Variants in PPM1H observed in about 807,000 individuals in gnomAD.
PPM1H encodes protein phosphatase 1H.
In PPM1H, 27 loss-of-function variants were observed where a neutral mutation model predicts 54.9. The observed-to-expected ratio is 0.49, with a 90% CI of 0.36 to 0.68. The LOEUF is 0.68. Among genes scored for constraint, PPM1H ranks in the 30% least tolerant of loss-of-function variants. The pLI, the probability that PPM1H is intolerant of heterozygous loss-of-function variation, is 0.00. For synonymous variants in PPM1H, 305 were observed against 270.8 expected (o/e 1.13, Z -1.24); for missense variants, 596 against 667.8 (o/e 0.89, Z 1.19).
intron 6 of PPM1H, among the ~76,000 whole-genome samples, chr12:62,702,418 C>T (rs1334662845): frequency 1.3e-5 from 2 of 152,106 alleles, no homozygotes. Context: ...TCCTCCATTT[C>T]CAGGAAGAGC....
At chr12:62,658,182 A>ATTTTTTTTTTTTTTT (rs1173229360) in intron 9 of PPM1H, among the ~76,000 whole-genome samples, 3 of 87,556 alleles carry the variant, frequency 3.4e-5, no homozygotes, top group African/African-American at 1.3e-4. Flanking sequence ...AACACGGTGA[A>ATTTTTTTTTTTTTTT]TTTTTTTTTT....
chr12:62,901,997 T>C (rs1401941174), intron 1 of PPM1H, among the ~76,000 whole-genome samples: 3 of 152,210 alleles, frequency 2.0e-5, no homozygotes, highest in Non-Finnish European at 4.4e-5. Flanking sequence ...GAAACATGGT[T>C]TGCCTACTTT....
intron 2 of PPM1H, among the ~76,000 whole-genome samples, chr12:62,831,641 T>G (rs1428671967): frequency 6.6e-6 from 1 of 151,782 alleles, no homozygotes; most frequent in African/African-American, 2.4e-5. Flanking sequence ...CATGAGAGGC[T>G]TTCGGACTAT....
intron 5 of PPM1H, among the ~76,000 whole-genome samples, chr12:62,733,011 G>A (rs991242302): frequency 1.3e-5 from 2 of 152,040 alleles, no homozygotes; most frequent in African/African-American, 2.4e-5. Context: ...AGGATTACAC[G>A]CACTTAAAAT....
chr12:62,721,930 C>A (rs1010482777), intron 5 of PPM1H, among the ~76,000 whole-genome samples: 1 of 152,174 alleles, frequency 6.6e-6, no homozygotes, highest in Non-Finnish European at 1.5e-5. Flanking sequence ...ATTTCACCCT[C>A]TTAACAATCT....
chr12:62,747,468 G>C (rs1189680309), intron 4 of PPM1H, among the ~76,000 whole-genome samples: 6 of 152,290 alleles, frequency 3.9e-5, no homozygotes, highest in African/African-American at 1.4e-4. Context: ...TGGGTACCGG[G>C]TTTAAGTGAT....
intron 1 of PPM1H, among the ~76,000 whole-genome samples, chr12:62,929,957 A>G (rs1004027766): frequency 6.6e-6 from 1 of 152,070 alleles, no homozygotes; most frequent in African/African-American, 2.4e-5. Flanking sequence ...TCCAAGCAGG[A>G]GTTCTGCAAA....
chr12:62,724,610 C>T (rs1407410460), intron 5 of PPM1H, among the ~76,000 whole-genome samples: 1 of 152,128 alleles, frequency 6.6e-6, no homozygotes, highest in Non-Finnish European at 1.5e-5. Context: ...ACACACAGAG[C>T]CTTTCATGAT....
At chr12:62,810,052 GTCTCATTTGC>G (rs1403959636) in intron 2 of PPM1H, among the ~76,000 whole-genome samples, 2 of 152,084 alleles carry the variant, frequency 1.3e-5, no homozygotes, top group African/African-American at 4.8e-5. Context: ...ACTTAGGTGT[GTCTCATTTGC>G]TCTGGTATTC....
intron 2 of PPM1H, among the ~76,000 whole-genome samples, chr12:62,802,911 C>T (rs192534786): frequency 1.6e-4 from 25 of 152,262 alleles, no homozygotes; most frequent in African/African-American, 6.0e-4. Flanking sequence ...AACCTCCCAT[C>T]TATTTCAACC....
chr12:62,798,109 G>A (rs141244661), intron 3 of PPM1H, among the ~76,000 whole-genome samples: 4 of 152,188 alleles, frequency 2.6e-5, no homozygotes, highest in Non-Finnish European at 5.9e-5. Context: ...CAAGGGTAAG[G>A]ACATGCCTGG....
At chr12:62,821,330 A>C (rs1194145486) in intron 2 of PPM1H, among the ~76,000 whole-genome samples, 1 of 152,210 alleles carries the variant, frequency 6.6e-6, no homozygotes, top group Admixed American at 6.5e-5. Flanking sequence ...GAATGGAAAC[A>C]AGTTGGAAAA....
chr12:62,852,250 A>AAG lies in PPM1H; in HGVS notation c.246-19973_246-19972dup, dbSNP rs1247167591. 5.9e-3 allele frequency among the ~76,000 whole-genome samples: 844 copies of AAG among 142,842 alleles called. 10 individuals are homozygous for AAG. The highest frequency in any genetic ancestry group is 8.4e-3 in the South Asian group (38 of 4,512). 93.7% of individuals were successfully genotyped at this position (142,842 alleles called of 152,430 possible). On this transcript the variant is annotated intron_variant, in intron 1 of 9. Transcript: ENST00000228705. ...TCTCAAAAAAAAAAAAAAAAAAAAAAAGAGATGGGGCTTTTGGGAGGTAAT... is the reference window on the plus strand; with the variant it reads ...TCTCAAAAAAAAAAAAAAAAAAAAAAAGAGAGATGGGGCTTTTGGGAGGTAAT...
intron 9 of PPM1H, among the ~76,000 whole-genome samples, chr12:62,649,224 T>C (rs1443833759): frequency 1.3e-5 from 2 of 151,008 alleles, no homozygotes; most frequent in African/African-American, 4.9e-5. Context: ...TTTATTTAAT[T>C]TTTTTTTTTG....
intron 1 of PPM1H, among the ~76,000 whole-genome samples, chr12:62,863,599 C>T (rs1022973491): frequency 5.9e-5 from 9 of 152,062 alleles, no homozygotes; most frequent in Middle Eastern, 3.2e-3. Context: ...CTCCATAAGC[C>T]TAAGTTTGGA....
Position 62,934,791 on chromosome 12 carries a change from A to G in PPM1H, c.-55T>C. 7.0e-7 allele frequency: 1 copy of G among 1,424,748 alleles called. No individual in the cohort carries two copies. Among genetic ancestry groups the G allele is most frequent in the African/African-American group, 1.5e-5 (1 of 67,454 alleles). 88.3% of individuals were successfully genotyped at this position (1,424,748 alleles called of 1,614,324 possible). A position where few individuals can be genotyped will look rare whatever the true frequency, so the allele number is the denominator to read the frequency against. On this transcript the variant is annotated 5_prime_UTR_variant, in exon 1 of 10. Coordinates refer to ENST00000228705, the MANE Select transcript of PPM1H (RefSeq NM_020700.2). The surrounding 1 kb of genome is among the most constrained non-coding windows in gnomAD (Gnocchi z 4.2). Reference sequence around the variant, plus strand: ...GAGCAGGAGGCGGCGGGGGCCGGGCAAGGCGCAGCGCGGGGCATGCAGGCT... The same window carrying G: ...GAGCAGGAGGCGGCGGGGGCCGGGCGAGGCGCAGCGCGGGGCATGCAGGCT...
At chr12:62,875,530 G>A (rs747657566) in intron 1 of PPM1H, among the ~76,000 whole-genome samples, 5 of 152,268 alleles carry the variant, frequency 3.3e-5, no homozygotes, top group Non-Finnish European at 7.4e-5. Flanking sequence ...AACAAAATTA[G>A]GCTTTAGGAA....
intron 1 of PPM1H, among the ~76,000 whole-genome samples, chr12:62,929,353 A>C (rs963391040): frequency 2.0e-5 from 3 of 152,212 alleles, no homozygotes; most frequent in African/African-American, 7.2e-5. Flanking sequence ...GATAGCAAAA[A>C]TTCAAGGGGA....
intron 6 of PPM1H, among the ~76,000 whole-genome samples, chr12:62,696,743 A>T (rs1024258134): frequency 2.6e-5 from 4 of 152,200 alleles, no homozygotes; most frequent in Non-Finnish European, 5.9e-5. Context: ...AAATCTCTCA[A>T]TGGCCTTATA....
Sources: gnomAD v4.1 joint callset for allele counts (sites outside exome capture counted in the v4.1 genomes callset) on GRCh38, gnomAD v4.1.1 for gene constraint, Gnocchi (gnomAD v3.1) non-coding constraint, MANE v1.5 for transcripts, NCBI Gene and HGNC (gene_info 2026-07-23, HGNC 2026-07-21) for gene names.